Variants in AKAP6 observed in about 807,000 individuals in gnomAD.
AKAP6 encodes the protein A-kinase anchoring protein 6, also known as A-kinase anchor protein 6.
AKAP6 carries 58 observed loss-of-function variants against 188.5 expected under a neutral mutation model. The ratio of observed to expected loss-of-function variants is 0.31; its 90% CI spans 0.25 to 0.38. The LOEUF (loss-of-function observed/expected upper bound fraction) is 0.38, where lower values mean the gene tolerates loss of function less well. Ranked by LOEUF, AKAP6 falls within the 10% of genes least tolerant of loss-of-function variation. AKAP6 has a pLI of 1.00. For missense variants in AKAP6, 2,710 were observed against 2,740.0 expected (o/e 0.99, Z 0.24); for synonymous variants, 989 against 998.6 (o/e 0.99, Z 0.18).
At chr14:32,344,663 C>A (rs548311130) in intron 1 of AKAP6, among the ~76,000 whole-genome samples, 3 of 152,226 alleles carry the variant, frequency 2.0e-5, no homozygotes, top group East Asian at 3.9e-4. Flanking sequence ...CACATGTAAT[C>A]CCAGCACTTT....
intron 9 of AKAP6, among the ~76,000 whole-genome samples, chr14:32,712,787 C>T (rs1431351173): frequency 1.3e-5 from 2 of 152,080 alleles, no homozygotes; most frequent in African/African-American, 4.8e-5. Context: ...TTACTTCCTC[C>T]ACTGAAGTGT....
chr14:32,372,381 G>A lies in AKAP6; in HGVS notation c.-35+42973G>A, dbSNP rs567702462. Among the ~76,000 whole-genome samples the A allele has an allele frequency of 2.7e-4, 41 of 152,064 alleles. 1 individual carries two copies. In the South Asian group the frequency reaches 8.1e-3, roughly 30 times the overall value. On this transcript the variant is annotated intron_variant, in intron 1 of 13. Coordinates refer to ENST00000280979, the MANE Select transcript of AKAP6 (RefSeq NM_004274.5). ...AATACACCATTAGCAGGCCGAGGAG[G>A]GGATGTTTTAGTTTAGTGAAACTTG...
intron 1 of AKAP6, among the ~76,000 whole-genome samples, chr14:32,413,731 T>C (rs546968564): frequency 4.1e-4 from 63 of 152,264 alleles, no homozygotes; most frequent in African/African-American, 1.4e-3. Flanking sequence ...AGAAACATCA[T>C]TGGATGTCTC....
chr14:32,619,729 G>C (rs1886735190), intron 7 of AKAP6, among the ~76,000 whole-genome samples: 1 of 152,024 alleles, frequency 6.6e-6, no homozygotes, highest in Admixed American at 6.6e-5. Flanking sequence ...ATATTTAATA[G>C]GAATTGCATT....
At chr14:32,730,565 G>A (rs2031124222) in intron 9 of AKAP6, among the ~76,000 whole-genome samples, 1 of 152,066 alleles carries the variant, frequency 6.6e-6, no homozygotes, top group Admixed American at 6.6e-5. Flanking sequence ...GTGAAGAGGG[G>A]GGGATGAGCT....
chr14:32,511,615 G>T (rs1881266946), intron 2 of AKAP6, among the ~76,000 whole-genome samples: 1 of 152,104 alleles, frequency 6.6e-6, no homozygotes, highest in Non-Finnish European at 1.5e-5. Flanking sequence ...GACCTCAGGT[G>T]ACCCACCCAC....
At chr14:32,369,185 C>A (rs1281979467) in intron 1 of AKAP6, among the ~76,000 whole-genome samples, 1 of 152,114 alleles carries the variant, frequency 6.6e-6, no homozygotes, top group East Asian at 1.9e-4. Context: ...ATAGCCAGGA[C>A]TGCTACCAAG....
At chr14:32,394,431 G>A (rs1888808205) in intron 1 of AKAP6, among the ~76,000 whole-genome samples, 1 of 152,164 alleles carries the variant, frequency 6.6e-6, no homozygotes, top group Non-Finnish European at 1.5e-5. Context: ...AGTACGACCT[G>A]TGGTCTTGTA....
At chr14:32,728,016 C>T (rs1048470726) in intron 9 of AKAP6, among the ~76,000 whole-genome samples, 1 of 152,152 alleles carries the variant, frequency 6.6e-6, no homozygotes, top group Non-Finnish European at 1.5e-5. Flanking sequence ...TGGCCTCTGG[C>T]AGATTCCTGC....
intron 12 of AKAP6, among the ~76,000 whole-genome samples, chr14:32,816,768 T>G (rs575341937): frequency 1.3e-5 from 2 of 152,312 alleles, no homozygotes; most frequent in East Asian, 3.9e-4. Context: ...ATTACAGTTA[T>G]TGCTGCTTAT....
Position 32,823,419 on chromosome 14 carries a change from C to A in AKAP6, c.5606C>A (p.Thr1869Asn), listed in dbSNP as rs767750868. 2 of 1,613,532 alleles carry A rather than the reference C, an allele frequency of 1.2e-6. No homozygotes were observed. Among genetic ancestry groups the A allele is most frequent in the African/African-American group, 2.7e-5 (2 of 74,820 alleles). ...NNGNGKNSSH[T>N]HELGTKRENK... ...GGAAATGGTAAGAATTCATCTCATA[C>A]CCATGAGTTAGGGACAAAGCGTGAA... The change falls in exon 13 of 14, where the codon ACC (threonine) becomes AAC (asparagine). Residue 1869 changes from threonine to asparagine, a missense_variant. Physicochemically the swap from Thr to Asn is moderately conservative, Grantham distance 65 (BLOSUM62 0). Around this residue, in one of 2 missense-constraint regions of AKAP6, gnomAD observed 2,473 missense variants for 2,426.1 expected, o/e 1.02. Transcript: ENST00000280979.
At chr14:32,696,377 A>G (rs762843344) in intron 9 of AKAP6, among the ~76,000 whole-genome samples, 1 of 152,244 alleles carries the variant, frequency 6.6e-6, no homozygotes, top group Non-Finnish European at 1.5e-5. Flanking sequence ...ATGAATAGCA[A>G]TAAATGAAAC....
intron 2 of AKAP6, among the ~76,000 whole-genome samples, chr14:32,511,696 C>T (rs1215073339): frequency 6.6e-6 from 1 of 152,096 alleles, no homozygotes; most frequent in East Asian, 1.9e-4. Flanking sequence ...ATTTAGTTCC[C>T]CATACCAGTT....
Position 32,545,985 on chromosome 14 carries a change from T to G in AKAP6, c.1332T>G (p.Ser444=). ...AACTTTGCCTGGTATTGCAGTCTTC[T>G]TACCCCAACAGCCCTTCTGCTGCCA... ...RSKLCLVLQS[S]YPNSPSAASQ... Residue 444 remains serine, a synonymous_variant, in exon 4 of 14, where the codon TCT becomes TCG. Transcript: ENST00000280979. 6.2e-7 allele frequency: 1 copy of G among 1,614,196 alleles called. No homozygotes were observed. Among genetic ancestry groups the G allele is most frequent in the Middle Eastern group, 1.7e-4 (1 of 6,060 alleles).
At chr14:32,778,101 T>C (rs2033123708) in intron 12 of AKAP6, among the ~76,000 whole-genome samples, 1 of 152,088 alleles carries the variant, frequency 6.6e-6, no homozygotes, top group African/African-American at 2.4e-5. Flanking sequence ...AGAGAAAATA[T>C]CATTCAAAAA....
chr14:32,353,656 G>A (rs1245665514), intron 1 of AKAP6, among the ~76,000 whole-genome samples: 3 of 147,162 alleles, frequency 2.0e-5, no homozygotes, highest in African/African-American at 7.6e-5. Flanking sequence ...TAGGAAAAGA[G>A]GAAGTCAAAT....
chr14:32,719,176 C>T (rs1355357567), intron 9 of AKAP6, among the ~76,000 whole-genome samples: 1 of 151,982 alleles, frequency 6.6e-6, no homozygotes, highest in Non-Finnish European at 1.5e-5. Flanking sequence ...AAAAAAGTCA[C>T]AATGTGAATA....
chr14:32,792,653 A>G (rs1023885861), intron 12 of AKAP6, among the ~76,000 whole-genome samples: 2 of 152,190 alleles, frequency 1.3e-5, no homozygotes, highest in Non-Finnish European at 2.9e-5. Context: ...TTCCAATACT[A>G]TGTTGAATAG....
intron 7 of AKAP6, among the ~76,000 whole-genome samples, chr14:32,609,407 C>A (rs78399766): frequency 6.6e-6 from 1 of 152,138 alleles, no homozygotes; most frequent in African/African-American, 2.4e-5. Context: ...AGTCTTAGCT[C>A]CCACTGTGCC....
Sources: allele counts gnomAD v4.1 joint callset (sites outside exome capture counted in the v4.1 genomes callset), GRCh38; gene constraint gnomAD v4.1.1; regional missense constraint gnomAD v4.1.1; transcripts MANE v1.5; gene names NCBI Gene and HGNC (gene_info 2026-07-23, HGNC 2026-07-21).